SHLD2: variants seen among roughly 807,000 people sequenced by gnomAD.
SHLD2 encodes shieldin complex subunit 2, also known as RINN1-REV7-interacting novel NHEJ regulator 2.
In SHLD2, 30 loss-of-function variants were observed where a neutral mutation model predicts 73.2. The observed-to-expected ratio is 0.41, with a 90% CI of 0.31 to 0.56. The LOEUF is 0.56. SHLD2 is among the 20% of genes least tolerant of loss of function. The pLI is 0.28. For synonymous variants in SHLD2, 285 were observed against 370.1 expected (o/e 0.77, Z 2.64); for missense variants, 745 against 1,055.9 (o/e 0.71, Z 4.08).
chr10:87,152,629 TATTAAA>T lies in SHLD2; in HGVS notation c.1277_1282del (p.Ile426_Lys427del). Reference sequence around the variant, plus strand: ...GGAGAAATGTGTCTGAATTTAAGAGTATTAAAAAAACATCATTAATAAAAAACTGTG... The same window carrying T: ...GGAGAAATGTGTCTGAATTTAAGAGTAAAACATCATTAATAAAAAACTGTG... On this transcript the variant is annotated inframe_deletion, in exon 3 of 10. Coordinates refer to ENST00000298786, the MANE Select transcript of SHLD2 (RefSeq NM_001330112.2). 1 of 1,610,192 alleles carries T rather than the reference TATTAAA, an allele frequency of 6.2e-7. No individual in the cohort carries two copies. Among genetic ancestry groups the T allele is most frequent in the South Asian group, 1.1e-5 (1 of 90,688 alleles).
chr10:87,165,941 C>T (rs1289129958), intron 4 of SHLD2, among the ~76,000 whole-genome samples: 5 of 152,020 alleles, frequency 3.3e-5, no homozygotes, highest in South Asian at 4.1e-4. Flanking sequence ...AAGCTGTATA[C>T]GATCATCTCA....
intron 8 of SHLD2, among the ~76,000 whole-genome samples, chr10:87,186,299 C>G (rs760064268): frequency 6.6e-6 from 1 of 152,172 alleles, no homozygotes; most frequent in Non-Finnish European, 1.5e-5. Flanking sequence ...GAGCCTGTTT[C>G]TGAATTCTGT....
At position 87,122,985 on chromosome 10, in the gene SHLD2, G is replaced by A. The variant is rs184265071; in HGVS notation, c.-6+25996G>A. Reference sequence around the variant, plus strand: ...GTAAAGATGGGGTTTCACCATGTTGGCCAGGATGGTCTCAAACTCCTGAAC... The same window carrying A: ...GTAAAGATGGGGTTTCACCATGTTGACCAGGATGGTCTCAAACTCCTGAAC... On this transcript the variant is annotated intron_variant, in intron 2 of 9. Transcript: ENST00000298786. Among the ~76,000 whole-genome samples, 583 of 152,262 alleles carry A rather than the reference G, an allele frequency of 3.8e-3. 3 individuals are homozygous for A. The highest frequency in any genetic ancestry group is 0.013 in the African/African-American group (520 of 41,574).
rs187603317 is a variant in SHLD2 at position 87,120,828 on chromosome 10, C to T, written c.-6+23839C>T. 5.6e-3 allele frequency among the ~76,000 whole-genome samples: 852 copies of T among 151,904 alleles called. 13 individuals are homozygous for T. The highest frequency in any genetic ancestry group is 0.02 in the African/African-American group (812 of 41,504). On this transcript the variant is annotated intron_variant, in intron 2 of 9. Transcript: ENST00000298786. ...CAGCACTTTGGGAGGCCGAGGTGGG[C>T]GGATCACCTGAGGTCAGGAGTTCGA... is the stretch of plus-strand genomic sequence containing the variant.
At chr10:87,154,944 T>C (rs1236581263) in intron 3 of SHLD2, among the ~76,000 whole-genome samples, 1 of 152,136 alleles carries the variant, frequency 6.6e-6, no homozygotes, top group East Asian at 1.9e-4. Flanking sequence ...CAATCTTTTT[T>C]GTTTTTTTGA....
intron 4 of SHLD2, among the ~76,000 whole-genome samples, chr10:87,163,858 T>C (rs1450674140): frequency 4.6e-5 from 7 of 151,870 alleles, no homozygotes; most frequent in African/African-American, 7.3e-5. Flanking sequence ...GTTCTGTCCA[T>C]TGAGCGAGCA....
At chr10:87,142,044 AT>A (rs202178246) in intron 2 of SHLD2, among the ~76,000 whole-genome samples, 21,038 of 149,292 alleles carry the variant, frequency 0.14, 1,689 homozygotes, top group Admixed American at 0.26. Flanking sequence ...AAAAAAAAAA[AT>A]ATATCAAATT....
At chr10:87,102,395 A>G (rs1842326267) in intron 2 of SHLD2, among the ~76,000 whole-genome samples, 1 of 152,144 alleles carries the variant, frequency 6.6e-6, no homozygotes, top group Non-Finnish European at 1.5e-5. Context: ...TACAAGGGTG[A>G]ACCATCACCC....
chr10:87,140,960 G>A (rs191730304), intron 2 of SHLD2, among the ~76,000 whole-genome samples: 2,288 of 151,834 alleles, frequency 0.015, 60 homozygotes, highest in African/African-American at 0.052. Flanking sequence ...AAAGCATGAC[G>A]GGAGATCCTG....
intron 2 of SHLD2, among the ~76,000 whole-genome samples, chr10:87,150,650 A>AT (rs1845946998): frequency 6.6e-6 from 1 of 151,412 alleles, no homozygotes; most frequent in Non-Finnish European, 1.5e-5. Context: ...ATCCCAGCTA[A>AT]TCAGGGGGCT....
intron 2 of SHLD2, among the ~76,000 whole-genome samples, chr10:87,109,165 A>G (rs1842776684): frequency 6.6e-6 from 1 of 152,196 alleles, no homozygotes; most frequent in East Asian, 1.9e-4. Flanking sequence ...AAGGCATGAT[A>G]TTGTATTAGG....
chr10:87,127,525 A>ACCCAC (rs1434245122), intron 2 of SHLD2, among the ~76,000 whole-genome samples: 1 of 29,018 alleles, frequency 3.4e-5, no homozygotes, highest in African/African-American at 2.4e-4. Flanking sequence ...TGTCCCTCTT[A>ACCCAC]CCCGCCCCCC....
At chr10:87,162,796 A>C (rs1194494118) in intron 4 of SHLD2, among the ~76,000 whole-genome samples, 1 of 152,182 alleles carries the variant, frequency 6.6e-6, no homozygotes, top group Non-Finnish European at 1.5e-5. Flanking sequence ...TTTCTCACCT[A>C]TCAGATTGGC....
intron 2 of SHLD2, among the ~76,000 whole-genome samples, chr10:87,119,831 A>T (rs189304523): frequency 6.6e-6 from 1 of 151,640 alleles, no homozygotes; most frequent in African/African-American, 2.4e-5. Context: ...TATTTTCACA[A>T]TTACTACTGG....
At chr10:87,138,591 G>C (rs1239419341) in intron 2 of SHLD2, among the ~76,000 whole-genome samples, 1 of 152,150 alleles carries the variant, frequency 6.6e-6, no homozygotes, top group Non-Finnish European at 1.5e-5. Context: ...CAAAAAGGAG[G>C]AGATGGAATT....
chr10:87,163,112 A>G (rs1366366666), intron 4 of SHLD2, among the ~76,000 whole-genome samples: 1 of 152,094 alleles, frequency 6.6e-6, no homozygotes, highest in Non-Finnish European at 1.5e-5. Flanking sequence ...GTGGAACACT[A>G]TGTACTATGC....
chr10:87,131,004 T>G (rs1222438497), intron 2 of SHLD2, among the ~76,000 whole-genome samples: 3 of 151,900 alleles, frequency 2.0e-5, no homozygotes, highest in Non-Finnish European at 2.9e-5. Context: ...GATGTGGAGG[T>G]TGCAGCGTGC....
chr10:87,186,518 G>A (rs973060419), intron 8 of SHLD2, among the ~76,000 whole-genome samples: 2 of 152,174 alleles, frequency 1.3e-5, no homozygotes, highest in Non-Finnish European at 2.9e-5. Flanking sequence ...CAGCACATGT[G>A]TATCCCTTTC....
chr10:87,130,245 C>A (rs1844332639), intron 2 of SHLD2, among the ~76,000 whole-genome samples: 1 of 150,724 alleles, frequency 6.6e-6, no homozygotes, highest in Admixed American at 6.7e-5. Flanking sequence ...CTGGGGCACC[C>A]TTCATGTCAG....
Sources: allele counts gnomAD v4.1 joint callset (sites outside exome capture counted in the v4.1 genomes callset), GRCh38; gene constraint gnomAD v4.1.1; transcripts MANE v1.5; gene names NCBI Gene and HGNC (gene_info 2026-07-23, HGNC 2026-07-21).